Variants in ATRNL1 observed in about 807,000 individuals in gnomAD.
ATRNL1 encodes attractin-like protein 1.
A neutral mutation model predicts 182.7 loss-of-function variants in ATRNL1; 95 were observed. That is an observed-to-expected ratio of 0.52 (90% CI 0.44 to 0.62). The LOEUF (loss-of-function observed/expected upper bound fraction) is 0.62. Ranked by LOEUF, ATRNL1 falls within the 20% of genes least tolerant of loss-of-function variation. The probability of loss-of-function intolerance (pLI) is 0.00; values close to 1 mark genes in which losing one functional copy is unlikely to be tolerated. For missense variants in ATRNL1, 1,471 were observed against 1,679.5 expected (o/e 0.88, Z 2.17); for synonymous variants, 576 against 568.3 (o/e 1.01, Z -0.19).
At chr10:115,181,799 G>A (rs952271863) in intron 8 of ATRNL1, among the ~76,000 whole-genome samples, 21 of 151,708 alleles carry the variant, frequency 1.4e-4, no homozygotes, top group Non-Finnish European at 2.7e-4. Flanking sequence ...AGAAGACAAA[G>A]TACCATCATT....
chr10:115,196,975 C>G (rs1848387329), intron 8 of ATRNL1, among the ~76,000 whole-genome samples: 1 of 152,062 alleles, frequency 6.6e-6, no homozygotes, highest in South Asian at 2.1e-4. Context: ...TGCCTTTTCC[C>G]TTATTTTAGC....
chr10:115,651,341 T>G (rs1462214737), intron 26 of ATRNL1, among the ~76,000 whole-genome samples: 1 of 152,154 alleles, frequency 6.6e-6, no homozygotes, highest in Non-Finnish European at 1.5e-5. Flanking sequence ...AACAAAAGCT[T>G]GCACATATGC....
intron 27 of ATRNL1, among the ~76,000 whole-genome samples, chr10:115,754,859 T>G (rs1948544784): frequency 6.6e-6 from 1 of 152,198 alleles, no homozygotes. Context: ...CAGTGGTTTG[T>G]CATTCTCCTT....
chr10:115,394,539 T>G (rs1844192605), intron 19 of ATRNL1, 120 bp from the exon 20 acceptor site: 1 of 736,502 alleles, frequency 1.4e-6, no homozygotes. Context: ...GTAACCTTAG[T>G]TTTTGGATGG....
At chr10:115,257,253 G>A (rs1446367171) in intron 10 of ATRNL1, among the ~76,000 whole-genome samples, 1 of 152,118 alleles carries the variant, frequency 6.6e-6, no homozygotes, top group African/African-American at 2.4e-5. Context: ...TTATTATTGT[G>A]TGGGAGTCTA....
chr10:115,384,839 C>G (rs1328241563), intron 19 of ATRNL1, among the ~76,000 whole-genome samples: 2 of 151,366 alleles, frequency 1.3e-5, no homozygotes, highest in African/African-American at 4.9e-5. Context: ...TTTCACTCAG[C>G]ATTTTTAATT....
At position 115,370,458 on chromosome 10, in the gene ATRNL1, C is replaced by T. The variant is rs562599049; in HGVS notation, c.3176-24201C>T. 7.9e-5 allele frequency among the ~76,000 whole-genome samples: 12 copies of T among 152,260 alleles called. No homozygotes were observed. The East Asian group carries it at 1.9e-3, about 25-fold the overall frequency. On this transcript the variant is annotated intron_variant, in intron 19 of 28. Transcript: ENST00000355044. ...TGATAATGATATGGACAATGAAATC[C>T]AGGCTGAGGTGGTCTCAGATGGAGA...
chr10:115,466,494 CA>C (rs1554970828), intron 22 of ATRNL1, among the ~76,000 whole-genome samples: 2 of 151,060 alleles, frequency 1.3e-5, no homozygotes, highest in Non-Finnish European at 3.0e-5. Context: ...GTAAGAAAAT[CA>C]CAAAAAACAT....
chr10:115,184,424 CTA>C (rs144965834), intron 8 of ATRNL1, among the ~76,000 whole-genome samples: 1,838 of 148,946 alleles, frequency 0.012, 33 homozygotes, highest in African/African-American at 0.041. Context: ...CTATGTATAA[CTA>C]TATATATATA....
intron 28 of ATRNL1, among the ~76,000 whole-genome samples, chr10:115,856,870 G>A (rs1316961111): frequency 3.3e-5 from 5 of 152,074 alleles, no homozygotes; most frequent in African/African-American, 4.8e-5. Flanking sequence ...TATGCAGCCT[G>A]GGGTTGGGAG....
intron 24 of ATRNL1, among the ~76,000 whole-genome samples, chr10:115,497,569 C>T (rs1441718948): frequency 1.3e-5 from 2 of 151,646 alleles, no homozygotes; most frequent in Admixed American, 6.6e-5. Context: ...TAGTGTTGCT[C>T]ACCACTCTCT....
chr10:115,571,429 A>AT (rs1555003429), intron 26 of ATRNL1, among the ~76,000 whole-genome samples: 1 of 152,020 alleles, frequency 6.6e-6, no homozygotes, highest in African/African-American at 2.4e-5. Flanking sequence ...CTTTACCCCC[A>AT]TATTTTGAGA....
intron 24 of ATRNL1, among the ~76,000 whole-genome samples, chr10:115,482,872 A>C (rs868983745): frequency 6.6e-6 from 1 of 151,248 alleles, no homozygotes; most frequent in African/African-American, 2.4e-5. Context: ...TTGTTTTAGC[A>C]TATACCTAGA....
intron 1 of ATRNL1, among the ~76,000 whole-genome samples, chr10:115,106,688 C>G (rs992349560): frequency 2.6e-5 from 4 of 152,250 alleles, no homozygotes; most frequent in Non-Finnish European, 5.9e-5. Flanking sequence ...TCTGCTTTTG[C>G]TTCTTCCTCA....
intron 20 of ATRNL1, among the ~76,000 whole-genome samples, chr10:115,421,087 C>T (rs621651): frequency 0.38 from 57,728 of 151,874 alleles, 12,137 homozygotes; most frequent in African/African-American, 0.57. Flanking sequence ...CAGGACCTGA[C>T]AGCTTCATTG....
chr10:115,150,737 A>G (rs114013878), intron 5 of ATRNL1, among the ~76,000 whole-genome samples: 1 of 151,772 alleles, frequency 6.6e-6, no homozygotes, highest in Non-Finnish European at 1.5e-5. Flanking sequence ...TTTTTTTATT[A>G]TTATACTTTA....
chr10:115,572,764 T>A (rs1443303302), intron 26 of ATRNL1, among the ~76,000 whole-genome samples: 1 of 152,208 alleles, frequency 6.6e-6, no homozygotes, highest in African/African-American at 2.4e-5. Context: ...GATCCAAGTC[T>A]TGATTAATGT....
intron 27 of ATRNL1, among the ~76,000 whole-genome samples, chr10:115,785,991 T>C (rs1949387942): frequency 1.3e-5 from 2 of 152,180 alleles, no homozygotes; most frequent in South Asian, 4.1e-4. Context: ...TGAGACCTCA[T>C]CAGAGGCACC....
intron 18 of ATRNL1, among the ~76,000 whole-genome samples, chr10:115,330,875 T>G (rs1364881541): frequency 4.6e-5 from 7 of 152,000 alleles, no homozygotes; most frequent in Non-Finnish European, 7.4e-5. Context: ...TTCTTCCCCA[T>G]TTTCATTTTT....
Sources: gnomAD v4.1 joint callset for allele counts (sites outside exome capture counted in the v4.1 genomes callset) on GRCh38, gnomAD v4.1.1 for gene constraint, MANE v1.5 for transcripts, NCBI Gene and HGNC (gene_info 2026-07-23, HGNC 2026-07-21) for gene names.